Variants in SNAPC3 observed in about 807,000 individuals in gnomAD.
SNAPC3 encodes the protein small nuclear RNA activating complex polypeptide 3, also known as snRNA-activating protein complex subunit 3.
Under a neutral mutation model 47.7 loss-of-function variants are expected in SNAPC3, and 56 were observed. The observed-to-expected ratio is 1.18, with a 90% confidence interval of 0.95 to 1.47. The LOEUF is 1.47. Ranked by LOEUF, SNAPC3 falls within the 40% of genes most tolerant of loss-of-function variation. The pLI is 0.00. For synonymous variants in SNAPC3, 235 were observed against 189.9 expected, an observed-to-expected ratio of 1.24 and a Z score of -1.95; for missense variants, 665 against 511.3, an observed-to-expected ratio of 1.30 and a Z score of -2.90.
chr9:15,451,224 G>A (rs973976567), intron 5 of SNAPC3, 96 bp from the exon 6 acceptor site: 10 of 470,066 alleles, frequency 2.1e-5, no homozygotes, highest in African/African-American at 2.0e-5. Context: ...ACATATTAGT[G>A]TGATTTTATG....
At chr9:15,443,735 G>T (rs1458500147) in intron 3 of SNAPC3, among the ~76,000 whole-genome samples, 1 of 152,166 alleles carries the variant, frequency 6.6e-6, no homozygotes, top group African/African-American at 2.4e-5. Flanking sequence ...TCAGTTCTTA[G>T]AGAACAGGTC....
intron 2 of SNAPC3, among the ~76,000 whole-genome samples, chr9:15,432,603 A>G (rs989625268): frequency 2.0e-5 from 3 of 152,346 alleles, no homozygotes; most frequent in African/African-American, 4.8e-5. Context: ...AGCTGTACCA[A>G]TTTGAACAAC....
At chr9:15,447,309 G>A (rs1357430262) in intron 5 of SNAPC3, 65 bp downstream of exon 5, 4 of 1,440,792 alleles carry the variant, frequency 2.8e-6, no homozygotes, top group Non-Finnish European at 3.9e-6. Context: ...GATTACTCTA[G>A]CTGGTTCATA....
chr9:15,443,015 A>G lies in SNAPC3; in HGVS notation c.478-1587A>G, dbSNP rs544928819. Among the ~76,000 whole-genome samples the G allele has an allele frequency of 5.9e-5, 9 of 152,352 alleles. No individual in the cohort carries two copies. The East Asian group carries it at 7.7e-4, about 13-fold the overall frequency. ...GAAACCCCGTCTCCACCAAAAAAATATGAAAACCAGTCAGGCGTGGCGGCG... is the reference window on the plus strand; with the variant it reads ...GAAACCCCGTCTCCACCAAAAAAATGTGAAAACCAGTCAGGCGTGGCGGCG... On this transcript the variant is annotated intron_variant, in intron 3 of 8. Transcript: ENST00000380821.
intron 1 of SNAPC3, among the ~76,000 whole-genome samples, chr9:15,423,550 G>C (rs10738392): frequency 0.83 from 126,054 of 152,202 alleles, 53,370 homozygotes; most frequent in Non-Finnish European, 0.92. Flanking sequence ...CTGAGTAATG[G>C]TGAAGCTGCG....
In SNAPC3 at chr9:15,422,960, C is replaced by G; in HGVS notation, c.81C>G (p.Cys27Trp). The G allele has an allele frequency of 1.3e-6, 2 of 1,537,004 alleles. No individual in the cohort carries two copies. The highest frequency in any genetic ancestry group is 8.7e-7 in the Non-Finnish European group (1 of 1,146,890). ...RQDPVSGSGG[C>W]NFPEYELPEL... Reference sequence around the variant, plus strand: ...ACCCAGTCTCCGGCAGTGGCGGCTGCAACTTTCCAGAGTATGAGCTTCCCG... The same window carrying G: ...ACCCAGTCTCCGGCAGTGGCGGCTGGAACTTTCCAGAGTATGAGCTTCCCG... Residue 27 changes from cysteine to tryptophan, a missense_variant, in exon 1 of 9, where the codon TGC (cysteine) becomes TGG (tryptophan). Physicochemically the swap from Cys to Trp is radical, Grantham distance 215. Coordinates refer to ENST00000380821, the MANE Select transcript of SNAPC3 (RefSeq NM_001039697.2).
At position 15,423,214 on chromosome 9, in the gene SNAPC3, C is replaced by CT. The variant is rs756946776; in HGVS notation, c.314+22dup. 59 of 1,556,154 alleles carry CT rather than the reference C, an allele frequency of 3.8e-5. 1 individual carries two copies. In the South Asian group the frequency reaches 6.7e-4, roughly 18 times the overall value. On this transcript the variant is annotated intron_variant, in intron 1 of 8. Coordinates refer to ENST00000380821, the MANE Select transcript of SNAPC3 (RefSeq NM_001039697.2). ...TGCGGGTGAGTGCGGAGCAAAGGGG[C>CT]TCTTGCAGCTTGGGGTCAAACAGGG... is the stretch of plus-strand genomic sequence containing the variant.
rs546975730 is a variant in SNAPC3 at position 15,426,477 on chromosome 9, T to G, written c.392+2491T>G. Among the ~76,000 whole-genome samples, 86 of 152,326 alleles carry G rather than the reference T, an allele frequency of 5.6e-4. 2 individuals are homozygous for G. In the South Asian group the frequency reaches 0.017, roughly 31 times the overall value. On this transcript the variant is annotated intron_variant, in intron 2 of 8. Coordinates refer to ENST00000380821, the MANE Select transcript of SNAPC3 (RefSeq NM_001039697.2). ...CTTAAGTTACATCTGCCACACTCACTGCTATATTACCAATTCCTAGAACTG... is the reference window on the plus strand; with the variant it reads ...CTTAAGTTACATCTGCCACACTCACGGCTATATTACCAATTCCTAGAACTG...
At chr9:15,461,929 G>C (rs939807408), downstream of SNAPC3, 1 of 152,076 alleles carries the variant, frequency 6.6e-6, no homozygotes, top group African/African-American at 2.4e-5. Flanking sequence ...TGCTAAAATT[G>C]AGCAGATTGA....
In SNAPC3 at chr9:15,432,840, A is replaced by T. The variant is rs1045524603; in HGVS notation, c.393-712A>T. ...GTAATAAATGTTGCAGACATAATCT[A>T]TCAGTGAATGCTAAAATTCATGGGT... On this transcript the variant is annotated intron_variant, in intron 2 of 8. Coordinates refer to ENST00000380821, the MANE Select transcript of SNAPC3 (RefSeq NM_001039697.2). 3.9e-5 allele frequency among the ~76,000 whole-genome samples: 6 copies of T among 152,256 alleles called. No individual in the cohort carries two copies. The East Asian group carries it at 7.7e-4, about 20-fold the overall frequency.
intron 2 of SNAPC3, among the ~76,000 whole-genome samples, chr9:15,424,232 A>G (rs2031022740): frequency 6.6e-6 from 1 of 152,226 alleles, no homozygotes; most frequent in South Asian, 2.1e-4. Flanking sequence ...ATAAGCATAT[A>G]GCTTCTAAAA....
chr9:15,459,685 T>A (rs1400554569), intron 8 of SNAPC3, 34 bp from the exon 9 acceptor site: 2 of 1,592,256 alleles, frequency 1.3e-6, no homozygotes, highest in Non-Finnish European at 1.7e-6. Context: ...CAAATTTGAT[T>A]GTAATGATGT....
chr9:15,462,908 GCCCTCACAGCA>G (rs1258487743), downstream of SNAPC3: 1 of 152,164 alleles, frequency 6.6e-6, no homozygotes, highest in African/African-American at 2.4e-5. Context: ...AGTTAGCAAA[GCCCTCACAGCA>G]CCCTATGAAA....
chr9:15,441,527 G>C lies in SNAPC3; in HGVS notation c.478-3075G>C, dbSNP rs1437142589. ...GAACAAGGGTCTCTGGTTTTCCTAG[G>C]CAGAGGACCCTGCGGCCTTCTGCAG... On this transcript the variant is annotated intron_variant, in intron 3 of 8. Transcript: ENST00000380821. 4.0e-5 allele frequency among the ~76,000 whole-genome samples: 6 copies of C among 151,330 alleles called. No individual in the cohort carries two copies. The East Asian group carries it at 9.7e-4, about 25-fold the overall frequency.
intron 5 of SNAPC3, among the ~76,000 whole-genome samples, chr9:15,448,095 G>A (rs532734523): frequency 1.3e-5 from 2 of 152,170 alleles, no homozygotes; most frequent in Admixed American, 6.5e-5. Flanking sequence ...GGGAGGGATA[G>A]CATCTCCTAG....
Position 15,433,557 on chromosome 9 carries a change from GA to G in SNAPC3, c.403del (p.Arg135GlyfsTer12), listed in dbSNP as rs1189124654. On this transcript the variant is annotated frameshift_variant, in exon 3 of 9. Transcript: ENST00000380821. LOFTEE classifies it high-confidence loss of function. Reference protein sequence around the residue: ...ENTDLVTLGVRKRFLEHREET... With the variant: ...ENTDLVTLGVXKRFLEHREET... Reference sequence around the variant, plus strand: ...TTCTTTTACATCTACAACAGGGTTAGAAAAAGGTTCTTGGAACATCGGGAAG... The same window carrying G: ...TTCTTTTACATCTACAACAGGGTTAGAAAAGGTTCTTGGAACATCGGGAAG... 3 of 1,591,422 alleles carry G rather than the reference GA, an allele frequency of 1.9e-6. No individual in the cohort carries two copies. The highest frequency in any genetic ancestry group is 1.1e-5 in the South Asian group (1 of 88,246).
At chr9:15,440,943 C>T (rs1163627291) in intron 3 of SNAPC3, among the ~76,000 whole-genome samples, 50 of 92,178 alleles carry the variant, frequency 5.4e-4, no homozygotes, top group African/African-American at 2.1e-3. Context: ...AGTGAGACTC[C>T]GTCTCAAAAA....
chr9:15,436,788 C>G (rs1378989425), intron 3 of SNAPC3, among the ~76,000 whole-genome samples: 1 of 149,070 alleles, frequency 6.7e-6, no homozygotes, highest in Non-Finnish European at 1.5e-5. Flanking sequence ...AGATTTCTTT[C>G]CATTTATTTA....
chr9:15,439,724 G>T (rs889116461), intron 3 of SNAPC3, among the ~76,000 whole-genome samples: 1 of 152,106 alleles, frequency 6.6e-6, no homozygotes, highest in Non-Finnish European at 1.5e-5. Context: ...TGTAGAGGCA[G>T]GGTTTCACCA....
Sources: allele counts gnomAD v4.1 joint callset (sites outside exome capture counted in the v4.1 genomes callset), GRCh38; gene constraint gnomAD v4.1.1; transcripts MANE v1.5; gene names NCBI Gene and HGNC (gene_info 2026-07-23, HGNC 2026-07-21).